Variants in RNF130 observed in about 807,000 individuals in gnomAD.
RNF130 encodes the protein E3 ubiquitin-protein ligase RNF130.
Under a neutral mutation model 44.6 loss-of-function variants are expected in RNF130, and 21 were observed. The ratio of observed to expected loss-of-function variants is 0.47; its 90% confidence interval spans 0.33 to 0.68. RNF130 has a LOEUF of 0.68. Ranked by LOEUF, RNF130 falls within the 30% of genes least tolerant of loss-of-function variation. The pLI is 0.02. For missense variants in RNF130, 479 were observed against 560.6 expected (o/e 0.85, Z 1.47); for synonymous variants, 214 against 210.4 (o/e 1.02, Z -0.15).
intron 3 of RNF130, among the ~76,000 whole-genome samples, chr5:179,990,425 G>A (rs534619770): frequency 2.6e-5 from 4 of 152,252 alleles, no homozygotes; most frequent in South Asian, 4.1e-4. Context: ...GGCGGAGCCA[G>A]GTGTACAGGA....
chr5:179,915,438 G>GCC (rs1761530590), exon 8 of RNF130: 1 of 152,758 alleles, frequency 6.5e-6, no homozygotes, highest in African/African-American at 2.4e-5. Context: ...TGGGCACCAG[G>GCC]TTCGCACCTC....
chr5:180,003,905 T>C (rs977441743), intron 3 of RNF130, among the ~76,000 whole-genome samples: 6 of 152,216 alleles, frequency 3.9e-5, no homozygotes, highest in Non-Finnish European at 5.9e-5. Flanking sequence ...AATAATAAAA[T>C]CTATACTAAC....
intron 3 of RNF130, among the ~76,000 whole-genome samples, chr5:180,012,373 T>C (rs763055714): frequency 2.6e-5 from 4 of 152,184 alleles, no homozygotes; most frequent in South Asian, 2.1e-4. Flanking sequence ...ACCTAACACC[T>C]GGAACCTGGC....
At chr5:179,948,213 C>A (rs749327979) in intron 7 of RNF130, among the ~76,000 whole-genome samples, 1 of 152,154 alleles carries the variant, frequency 6.6e-6, no homozygotes, top group East Asian at 1.9e-4. Context: ...TCAGATATTG[C>A]GAAGATTAAA....
At position 179,993,125 on chromosome 5, in the gene RNF130, T is replaced by C. The variant is rs1763127157; in HGVS notation, c.694-12925A>G. ...ACATTTTCTTAATCCAGTCTATCGT[T>C]GTTGGACATTTGGGTTGGTTCCAAG... On this transcript the variant is annotated intron_variant, in intron 3 of 8. Coordinates refer to ENST00000521389, the MANE Select transcript of RNF130 (RefSeq NM_018434.6). 2.0e-5 allele frequency among the ~76,000 whole-genome samples: 3 copies of C among 152,374 alleles called. No individual in the cohort carries two copies. In the South Asian group the frequency reaches 6.2e-4, roughly 32 times the overall value.
intron 2 of RNF130, among the ~76,000 whole-genome samples, chr5:180,026,123 A>C (rs1561697776): frequency 6.6e-6 from 1 of 152,144 alleles, no homozygotes; most frequent in Admixed American, 6.5e-5. Flanking sequence ...CATCCAAAAA[A>C]AAAAAAGAAA....
chr5:179,938,439 A>AGG lies in RNF130; in HGVS notation c.1151-18015_1151-18014dup, dbSNP rs5873675. ...AATGGGGAGCAACTGCTTAATGAGT[A>AGG]GGGGGTTTCTTTTTGGGGTGATGAA... On this transcript the variant is annotated intron_variant, in intron 7 of 7. Transcript: ENST00000522208. Among the ~76,000 whole-genome samples, 31 of 151,176 alleles carry AGG rather than the reference A, an allele frequency of 2.1e-4. No individual in the cohort carries two copies. In the East Asian group the frequency reaches 5.1e-3, roughly 25 times the overall value.
chr5:180,013,966 TA>T (rs1763655474), intron 2 of RNF130, among the ~76,000 whole-genome samples: 1 of 152,334 alleles, frequency 6.6e-6, no homozygotes, highest in Non-Finnish European at 1.5e-5. Flanking sequence ...ACTTGGGTCT[TA>T]TGTCCAGACT....
At chr5:179,946,654 C>G in intron 7 of RNF130, among the ~76,000 whole-genome samples, 1 of 151,228 alleles carries the variant, frequency 6.6e-6, no homozygotes, top group East Asian at 2.0e-4. Context: ...CCCGGGTTCA[C>G]GCCATTCTCC....
chr5:180,015,333 G>A (rs746399768), intron 2 of RNF130: 4 of 533,682 alleles, frequency 7.5e-6, no homozygotes, highest in Admixed American at 5.8e-5. Context: ...TAAAGTAACT[G>A]AGACGGATCC....
At chr5:179,932,710 T>C (rs904072251) in intron 7 of RNF130, among the ~76,000 whole-genome samples, 1 of 151,780 alleles carries the variant, frequency 6.6e-6, no homozygotes, top group African/African-American at 2.4e-5. Context: ...TGGTGGCACA[T>C]CTGTAATCCC....
In RNF130 at chr5:180,071,720, C is replaced by A; in HGVS notation, c.-18G>T. On this transcript the variant is annotated 5_prime_UTR_variant, in exon 1 of 9. Transcript: ENST00000521389. ...CAGCTCATCGTCCCTCCGGCAGCCG[C>A]CGCTGCTCGCGGACCGGGCTCCGGG... is the stretch of plus-strand genomic sequence containing the variant. 8.0e-7 allele frequency: 1 copy of A among 1,242,548 alleles called. No homozygotes were observed. Among genetic ancestry groups the A allele is most frequent in the Non-Finnish European group, 1.0e-6 (1 of 994,594 alleles). The allele number at this position is 1,242,548 out of a possible 1,614,324, so 77.0% of individuals were successfully genotyped here. A position where few individuals can be genotyped will look rare whatever the true frequency, so the allele number is the denominator to read the frequency against.
At chr5:180,064,768 GTC>G (rs1158865763) in intron 1 of RNF130, among the ~76,000 whole-genome samples, 1 of 152,156 alleles carries the variant, frequency 6.6e-6, no homozygotes, top group Admixed American at 6.5e-5. Flanking sequence ...TGTTTGTAGA[GTC>G]TCAAGCTTTC....
At chr5:179,946,448 A>G (rs1762038629) in intron 7 of RNF130, among the ~76,000 whole-genome samples, 1 of 152,232 alleles carries the variant, frequency 6.6e-6, no homozygotes, top group Non-Finnish European at 1.5e-5. Context: ...TATAAAAAAA[A>G]CTTTAAGGTA....
Position 180,009,903 on chromosome 5 carries a change from G to C in RNF130, c.693+3158C>G, listed in dbSNP as rs576193695. ...CAAACGGTGGTACATCCAAACCATG[G>C]GATATAGTTCGGCCATAAAAAGGAA... On this transcript the variant is annotated intron_variant, in intron 3 of 8. Transcript: ENST00000521389. 1.2e-4 allele frequency among the ~76,000 whole-genome samples: 19 copies of C among 152,022 alleles called. No individual in the cohort carries two copies. The South Asian group carries it at 3.1e-3, about 25-fold the overall frequency.
intron 1 of RNF130, among the ~76,000 whole-genome samples, chr5:180,058,775 T>A (rs1030474424): frequency 1.3e-5 from 2 of 152,126 alleles, no homozygotes; most frequent in African/African-American, 4.8e-5. Flanking sequence ...TTAGCCAGGC[T>A]GGTCTCGAAC....
Position 179,970,462 on chromosome 5 carries a change from T to C in RNF130, c.893A>G (p.His298Arg), listed in dbSNP as rs1020512463. 1.2e-6 allele frequency: 2 copies of C among 1,613,740 alleles called. No individual in the cohort carries two copies. The highest frequency in any genetic ancestry group is 1.7e-6 in the Non-Finnish European group (2 of 1,179,828). The change falls in exon 6 of 9, where the codon CAT (histidine) becomes CGT (arginine). Residue 298 changes from histidine (H) to arginine (R), a missense_variant. Physicochemically the swap from His to Arg is conservative, Grantham distance 29. This residue lies in a region of RNF130 where 161 missense variants were observed against 158.6 expected (regional missense o/e 1.02). Coordinates refer to ENST00000521389, the MANE Select transcript of RNF130 (RefSeq NM_018434.6). ...KSCVDPWLSE[H>R]CTCPMCKLNI... ...AAGTTTGCACATAGGACAGGTACAA[T>C]GTTCACTAAGCCAGGGATCCACGCA...
intron 7 of RNF130, among the ~76,000 whole-genome samples, chr5:179,932,114 T>C (rs1373400960): frequency 1.3e-5 from 2 of 152,214 alleles, no homozygotes; most frequent in African/African-American, 2.4e-5. Context: ...AGCTCCCCTT[T>C]TGTACCATTA....
chr5:179,921,088 T>C (rs991102733), intron 7 of RNF130, among the ~76,000 whole-genome samples: 4 of 152,206 alleles, frequency 2.6e-5, no homozygotes. Flanking sequence ...TTACATTTCC[T>C]TTTCTATAAA....
Sources: allele counts gnomAD v4.1 joint callset (sites outside exome capture counted in the v4.1 genomes callset), GRCh38; gene constraint gnomAD v4.1.1; regional missense constraint gnomAD v4.1.1; transcripts MANE v1.5; gene names NCBI Gene and HGNC (gene_info 2026-07-23, HGNC 2026-07-21).